The following PRSS12 variants were observed in gnomAD, a reference collection of about 807,000 sequenced individuals.
The protein encoded by PRSS12 is serine protease 12.
Under a neutral mutation model 104.4 loss-of-function variants are expected in PRSS12, and 85 were observed. The ratio of observed to expected loss-of-function variants is 0.81; its 90% confidence interval spans 0.68 to 0.98. PRSS12 has a LOEUF of 0.98. Among genes scored for constraint, PRSS12 ranks in the 50% least tolerant of loss-of-function variants. PRSS12 has a pLI of 0.00. For missense variants in PRSS12, 1,141 were observed against 1,139.2 expected (o/e 1.00, Z -0.02); for synonymous variants, 454 against 425.2 (o/e 1.07, Z -0.83).
At chr4:118,333,351 T>C (rs1723974437) in intron 3 of PRSS12, among the ~76,000 whole-genome samples, 1 of 152,236 alleles carries the variant, frequency 6.6e-6, no homozygotes, top group African/African-American at 2.4e-5. Context: ...AAACGGCATT[T>C]GGATATTCAC....
chr4:118,332,128 AC>A (rs1486312359), intron 3 of PRSS12, among the ~76,000 whole-genome samples: 1 of 152,142 alleles, frequency 6.6e-6, no homozygotes, highest in Non-Finnish European at 1.5e-5. Flanking sequence ...AACCTCAGAA[AC>A]TAGAAAAGGC....
chr4:118,317,254 C>A (rs900812907), intron 5 of PRSS12, among the ~76,000 whole-genome samples: 3 of 151,844 alleles, frequency 2.0e-5, no homozygotes, highest in Non-Finnish European at 2.9e-5. Context: ...AATTAATTTG[C>A]CTATAATTCT....
intron 11 of PRSS12, among the ~76,000 whole-genome samples, chr4:118,288,150 T>A (rs748636029): frequency 1.3e-5 from 2 of 152,248 alleles, no homozygotes; most frequent in Non-Finnish European, 2.9e-5. Flanking sequence ...GCCATGCACA[T>A]CTGCTACTAC....
intron 11 of PRSS12, among the ~76,000 whole-genome samples, chr4:118,285,382 T>C (rs866376475): frequency 6.6e-6 from 1 of 152,228 alleles, no homozygotes; most frequent in Middle Eastern, 3.2e-3. Flanking sequence ...ATATCGCTAG[T>C]ATATTCATTA....
At chr4:118,304,427 A>G (rs1433559007) in intron 8 of PRSS12, among the ~76,000 whole-genome samples, 1 of 152,050 alleles carries the variant, frequency 6.6e-6, no homozygotes, top group African/African-American at 2.4e-5. Flanking sequence ...TTCAAATGTC[A>G]TACAAATATA....
rs771687782 is a variant in PRSS12, at chr4:118,298,970, A to C, written c.1632-32T>G. The C allele has an allele frequency of 5.6e-6, 9 of 1,604,484 alleles. No homozygotes were observed. In the East Asian group the frequency reaches 1.8e-4, roughly 32 times the overall value. ...ACAGAACATTCTTAATCATGTGAAG[A>C]ATCAGTCAGTCATATATCTGAATAA... On this transcript the variant is annotated intron_variant, in intron 8 of 12. Coordinates refer to ENST00000296498, the MANE Select transcript of PRSS12 (RefSeq NM_003619.4).
At chr4:118,299,817 TA>T (rs1448507463) in intron 8 of PRSS12, among the ~76,000 whole-genome samples, 6 of 123,508 alleles carry the variant, frequency 4.9e-5, no homozygotes, top group African/African-American at 8.9e-5. Context: ...ATAAATAAAA[TA>T]AAATAAAATA....
chr4:118,321,928 T>G (rs1310688469), intron 4 of PRSS12, among the ~76,000 whole-genome samples: 3 of 152,182 alleles, frequency 2.0e-5, no homozygotes, highest in African/African-American at 7.2e-5. Context: ...TTTTTTATTA[T>G]AGATTATAAG....
At chr4:118,298,166 T>G (rs1743298857) in intron 9 of PRSS12, among the ~76,000 whole-genome samples, 1 of 150,096 alleles carries the variant, frequency 6.7e-6, no homozygotes, top group African/African-American at 2.4e-5. Context: ...AAAAATTAAA[T>G]GTATGCAGAG....
chr4:118,331,710 A>C lies in PRSS12; in HGVS notation c.971+6T>G, dbSNP rs1441730518. ...TTTAAGCAAAACAAGAGTAGTAAAA[A>C]CAAACCTGAGGCCCAGCTGCCTGCA... On this transcript the variant is annotated splice_donor_region_variant and intron_variant, in intron 4 of 12. Transcript: ENST00000296498. The C allele has an allele frequency of 6.2e-7, 1 of 1,614,106 alleles. No individual in the cohort carries two copies. Among genetic ancestry groups the C allele is most frequent in the South Asian group, 1.1e-5 (1 of 91,070 alleles).
rs1271664673 is a variant in PRSS12 at position 118,325,947 on chromosome 4, T to C, written c.971+5769A>G. ...TAAACACTTACTGAACTGGTTCTAT[T>C]TCCAATCCCTATTCAAAACATTCTT... On this transcript the variant is annotated intron_variant, in intron 4 of 12. Coordinates refer to ENST00000296498, the MANE Select transcript of PRSS12 (RefSeq NM_003619.4). Among the ~76,000 whole-genome samples the C allele has an allele frequency of 5.9e-5, 9 of 152,316 alleles. No homozygotes were observed. The South Asian group carries it at 1.9e-3, about 32-fold the overall frequency.
chr4:118,351,401 T>C (rs993228294), intron 1 of PRSS12, among the ~76,000 whole-genome samples: 1 of 152,174 alleles, frequency 6.6e-6, no homozygotes, highest in African/African-American at 2.4e-5. Flanking sequence ...TGAAGCAATG[T>C]TCAAAGCTGG....
At chr4:118,318,702 T>C in intron 4 of PRSS12, 146 bp from the exon 5 acceptor site, 2 of 870,072 alleles carry the variant, frequency 2.3e-6, no homozygotes, top group Non-Finnish European at 3.6e-6. Context: ...TGTATTTCTT[T>C]TTTGTATATT....
At chr4:118,350,796 C>T (rs538846032) in intron 1 of PRSS12, among the ~76,000 whole-genome samples, 1 of 152,306 alleles carries the variant, frequency 6.6e-6, no homozygotes, top group Non-Finnish European at 1.5e-5. Flanking sequence ...AATTACTTTT[C>T]TTGAGTCTGT....
chr4:118,325,740 C>A lies in PRSS12; in HGVS notation c.971+5976G>T, dbSNP rs114498419. On this transcript the variant is annotated intron_variant, in intron 4 of 12. Transcript: ENST00000296498. ...TTTGATAAAGCTGTGTGTTCTCTGT[C>A]CTTCATGGAAATTATTTCCATACCA... is the stretch of plus-strand genomic sequence containing the variant. Among the ~76,000 whole-genome samples the A allele has an allele frequency of 8.1e-3, 1,238 of 152,134 alleles. 19 individuals are homozygous for A. Among genetic ancestry groups the A allele is most frequent in the African/African-American group, 0.028 (1,174 of 41,532 alleles).
intron 4 of PRSS12, among the ~76,000 whole-genome samples, chr4:118,324,259 T>C (rs1380475552): frequency 2.0e-5 from 3 of 151,940 alleles, no homozygotes; most frequent in Non-Finnish European, 4.4e-5. Context: ...AGAAGTAATA[T>C]CCATGGCCAA....
intron 11 of PRSS12, among the ~76,000 whole-genome samples, chr4:118,286,068 TG>T (rs1181891678): frequency 1.3e-5 from 2 of 152,226 alleles, no homozygotes; most frequent in African/African-American, 2.4e-5. Context: ...CTTGCCTTAA[TG>T]TGTCATTTCA....
chr4:118,332,002 C>A, intron 3 of PRSS12, 136 bp from the exon 4 acceptor site: 1 of 1,017,740 alleles, frequency 9.8e-7, no homozygotes, highest in Non-Finnish European at 1.4e-6. Context: ...TATGGACATA[C>A]GTATATATAT....
intron 11 of PRSS12, among the ~76,000 whole-genome samples, chr4:118,289,544 T>C (rs573605280): frequency 6.6e-6 from 1 of 152,340 alleles, no homozygotes; most frequent in South Asian, 2.1e-4. Flanking sequence ...CCCTACTACA[T>C]TGCTTCTAGA....
Sources: allele counts gnomAD v4.1 joint callset (sites outside exome capture counted in the v4.1 genomes callset), GRCh38; gene constraint gnomAD v4.1.1; transcripts MANE v1.5; gene names NCBI Gene and HGNC (gene_info 2026-07-23, HGNC 2026-07-21).